Variants in GRAMD1B observed in about 807,000 individuals in gnomAD.
GRAMD1B encodes the protein protein Aster-B.
A neutral mutation model predicts 99.7 loss-of-function variants in GRAMD1B; 37 were observed. The observed-to-expected ratio is 0.37, with a 90% CI of 0.29 to 0.49. GRAMD1B has a LOEUF of 0.49. Among genes scored for constraint, GRAMD1B ranks in the 20% least tolerant of loss-of-function variants. The probability of loss-of-function intolerance (pLI) is 0.98; values close to 1 mark genes in which losing one functional copy is unlikely to be tolerated. For synonymous variants in GRAMD1B, 427 were observed against 387.6 expected (o/e 1.10, Z -1.19); for missense variants, 888 against 1,009.2 (o/e 0.88, Z 1.63).
chr11:123,466,280 G>A (rs1353859715), intron 1 of GRAMD1B, among the ~76,000 whole-genome samples: 9 of 143,466 alleles, frequency 6.3e-5, no homozygotes, highest in South Asian at 2.2e-4. Context: ...TGTCAAGGAA[G>A]GAAGGAAGGA....
Position 123,403,489 on chromosome 11 carries a change from TA to T in GRAMD1B, c.-176+44692del, listed in dbSNP as rs1183909175. Among the ~76,000 whole-genome samples the T allele has an allele frequency of 5.1e-4, 74 of 144,902 alleles. 1 individual carries two copies. Among genetic ancestry groups the T allele is most frequent in the African/African-American group, 1.7e-3 (68 of 39,046 alleles). On this transcript the variant is annotated intron_variant, in intron 1 of 20. Coordinates refer to the GRAMD1B transcript ENST00000638157. ...ATAATAATAATAATAATAATAATAA[TA>T]ATTTCGTCTCTTGTTGTTAGGCTTT...
intron 10 of GRAMD1B, among the ~76,000 whole-genome samples, chr11:123,605,837 C>G (rs1952645063): frequency 6.6e-6 from 1 of 152,196 alleles, no homozygotes; most frequent in Non-Finnish European, 1.5e-5. Context: ...GAATATAGAA[C>G]TATAGAACAA....
In GRAMD1B at chr11:123,609,783, C is replaced by T. The variant is rs755005462; in HGVS notation, c.1658-12C>T. 4 of 1,460,460 alleles carry T rather than the reference C, an allele frequency of 2.7e-6. No individual in the cohort carries two copies. In the South Asian group the frequency reaches 3.6e-5, roughly 13 times the overall value. 90.5% of individuals were successfully genotyped at this position (1,460,460 alleles called of 1,614,324 possible). A position where few individuals can be genotyped will look rare whatever the true frequency, so the allele number is the denominator to read the frequency against. On this transcript the variant is annotated splice_polypyrimidine_tract_variant and intron_variant, in intron 12 of 19. Coordinates refer to ENST00000635736, the MANE Select transcript of GRAMD1B (RefSeq NM_001387025.1). ...CTCCCTTCCTCATTCCAGGGCTCTC[C>T]TCTACCCTTAGATATCATCTTCCAT...
rs1251026052 is a variant in GRAMD1B at position 123,599,350 on chromosome 11, C to A, written c.970-1118C>A. ...GTGCAGTGATCAGAATTGATCTGGT[C>A]CCAGAGCATGGACTTTTTAGTGAGC... On this transcript the variant is annotated intron_variant, in intron 7 of 19. Coordinates refer to ENST00000635736, the MANE Select transcript of GRAMD1B (RefSeq NM_001387025.1). The A allele has an allele frequency of 1.0e-5, 7 of 696,048 alleles. No homozygotes were observed. The East Asian group carries it at 2.2e-4, about 22-fold the overall frequency. The allele number at this position is 696,048 out of a possible 1,614,324, so 43.1% of individuals were successfully genotyped here. A position where few individuals can be genotyped will look rare whatever the true frequency, so the allele number is the denominator to read the frequency against.
intron 1 of GRAMD1B, among the ~76,000 whole-genome samples, chr11:123,418,128 T>G (rs1471114014): frequency 1.3e-5 from 2 of 152,184 alleles, no homozygotes; most frequent in Admixed American, 1.3e-4. Flanking sequence ...ACTTTGAAAC[T>G]CAAATGGAAT....
chr11:123,539,103 T>C (rs1266855000), intron 2 of GRAMD1B, among the ~76,000 whole-genome samples: 1 of 152,102 alleles, frequency 6.6e-6, no homozygotes, highest in African/African-American at 2.4e-5. Context: ...CTCACACCTG[T>C]AATCCCAGCT....
At chr11:123,512,703 C>CTTTTTTTTTTTTTTTTTTTTTTTTTTTT (rs766565214) in intron 2 of GRAMD1B, among the ~76,000 whole-genome samples, 1 of 103,010 alleles carries the variant, frequency 9.7e-6, no homozygotes, top group Non-Finnish European at 1.9e-5. Flanking sequence ...CATTGTGAAT[C>CTTTTTTTTTTTTTTTTTTTTTTTTTTTT]TTTTTTTTTT....
At chr11:123,363,610 C>T (rs1259321037) in intron 1 of GRAMD1B, among the ~76,000 whole-genome samples, 1 of 149,124 alleles carries the variant, frequency 6.7e-6, no homozygotes, top group Non-Finnish European at 1.5e-5. Context: ...GGGTTTGGTT[C>T]CAGACTTTGT....
At position 123,627,758 on chromosome 11, in the gene GRAMD1B, T is replaced by C. The variant is rs1456244594; in HGVS notation, c.*5163T>C. ...GTATGAATTAAAAAGAAAAAAGTAT[T>C]GAACTACAATAATAAATGGTGTGCG... On this transcript the variant is annotated 3_prime_UTR_variant, in exon 20 of 20. Transcript: ENST00000635736. 6.6e-6 allele frequency: 1 copy of C among 152,244 alleles called. No individual in the cohort carries two copies. The highest frequency in any genetic ancestry group is 2.4e-5 in the African/African-American group (1 of 41,468). 9.4% of individuals were successfully genotyped at this position (152,244 alleles called of 1,614,324 possible).
At chr11:123,385,933 T>C (rs1013562911) in intron 1 of GRAMD1B, among the ~76,000 whole-genome samples, 2 of 152,220 alleles carry the variant, frequency 1.3e-5, no homozygotes, top group African/African-American at 4.8e-5. Flanking sequence ...CTCATAATTA[T>C]GCTTTGTGAA....
chr11:123,525,839 C>T, intron 2 of GRAMD1B: 1 of 455,156 alleles, frequency 2.2e-6, no homozygotes. Context: ...GCCAGCATTA[C>T]CCATCCTCAT....
intron 8 of GRAMD1B, among the ~76,000 whole-genome samples, chr11:123,601,691 T>C (rs1311994129): frequency 6.6e-6 from 1 of 152,226 alleles, no homozygotes; most frequent in Non-Finnish European, 1.5e-5. Context: ...TCACTCCTGA[T>C]AACTTATTTG....
intron 4 of GRAMD1B, among the ~76,000 whole-genome samples, chr11:123,584,599 C>T (rs1357301522): frequency 6.6e-6 from 1 of 151,986 alleles, no homozygotes; most frequent in Non-Finnish European, 1.5e-5. Context: ...GTCTGTCAAC[C>T]CTAAAAGAGG....
Position 123,584,315 on chromosome 11 carries a change from A to G in GRAMD1B, c.667A>G (p.Ser223Gly). The G allele has an allele frequency of 1.0e-6, 1 of 955,994 alleles. No homozygotes were observed. Among genetic ancestry groups the G allele is most frequent in the Non-Finnish European group, 1.3e-6 (1 of 768,824 alleles). 59.2% of individuals were successfully genotyped at this position (955,994 alleles called of 1,614,324 possible). A position where few individuals can be genotyped will look rare whatever the true frequency, so the allele number is the denominator to read the frequency against. The change falls in exon 4 of 20, where the codon AGC becomes GGC. Residue 223 changes from serine to glycine, a missense_variant. Around this residue, in one of 5 missense-constraint regions of GRAMD1B, gnomAD observed 62 missense variants for 139.4 expected, o/e 0.44. Transcript: ENST00000635736. The stretch of plus-strand genomic sequence containing the variant: ...CTCTTTCATTTTCTCTTTTCAGAAA[A>G]GCCAGAGTTGGTATAATGTAAGTAT... The part of the protein sequence containing the change: ...GRSGGKNSKK[S>G]QSWYNVLSPT...
At chr11:123,576,633 G>T (rs1246974631) in intron 2 of GRAMD1B, among the ~76,000 whole-genome samples, 3 of 152,212 alleles carry the variant, frequency 2.0e-5, no homozygotes, top group Non-Finnish European at 4.4e-5. Flanking sequence ...AAATGTTGGG[G>T]TAAGGGAATA....
At chr11:123,476,246 G>A (rs187514677) in intron 1 of GRAMD1B, among the ~76,000 whole-genome samples, 20 of 151,984 alleles carry the variant, frequency 1.3e-4, no homozygotes, top group African/African-American at 3.9e-4. Context: ...GATTATAGGC[G>A]TGCACCATCA....
chr11:123,491,687 CTG>C (rs1565296246), intron 2 of GRAMD1B: 2 of 390,782 alleles, frequency 5.1e-6, no homozygotes, highest in East Asian at 3.6e-5. Flanking sequence ...CTCCATCTGC[CTG>C]TGTTTTATAT....
intron 1 of GRAMD1B, among the ~76,000 whole-genome samples, chr11:123,407,119 A>G (rs1249912422): frequency 1.3e-5 from 2 of 152,234 alleles, no homozygotes; most frequent in South Asian, 4.1e-4. Context: ...TTGTCTTTCC[A>G]TAAAATGGGA....
At position 123,605,308 on chromosome 11, in the gene GRAMD1B, G is replaced by A; in HGVS notation, c.1167-14G>A. 2 of 1,588,192 alleles carry A rather than the reference G, an allele frequency of 1.3e-6. No individual in the cohort carries two copies. Among genetic ancestry groups the A allele is most frequent in the East Asian group, 4.5e-5 (2 of 44,158 alleles). On this transcript the variant is annotated splice_polypyrimidine_tract_variant and intron_variant, in intron 9 of 19. Transcript: ENST00000635736. ...CACTGAGGGTAATGTGGACTCACTG[G>A]TGTCTCCTCTCAGATACTGTGAAGA...
Sources: allele counts gnomAD v4.1 joint callset (sites outside exome capture counted in the v4.1 genomes callset), GRCh38; gene constraint gnomAD v4.1.1; regional missense constraint gnomAD v4.1.1; transcripts MANE v1.5; gene names NCBI Gene and HGNC (gene_info 2026-07-23, HGNC 2026-07-21).